AGTPBP1: variants seen among roughly 807,000 people sequenced by gnomAD.
AGTPBP1 encodes cytosolic carboxypeptidase 1.
A neutral mutation model predicts 143.9 loss-of-function variants in AGTPBP1; 70 were observed. The observed-to-expected ratio is 0.49, with a 90% confidence interval of 0.40 to 0.59. The LOEUF is 0.59. AGTPBP1 is among the 20% of genes least tolerant of loss of function. AGTPBP1 has a pLI of 0.00. For missense variants in AGTPBP1, 1,229 were observed against 1,464.5 expected, an observed-to-expected ratio of 0.84 and a Z score of 2.62; for synonymous variants, 463 against 500.2, an observed-to-expected ratio of 0.93 and a Z score of 0.99.
At chr9:85,756,028 A>G in the AGTPBP1 span, 1 of 1,331,934 alleles carries the variant, frequency 7.5e-7, no homozygotes, top group Admixed American at 2.9e-5. Flanking sequence ...TATAATTTTT[A>G]TGGCAGAAGG....
Position 85,632,650 on chromosome 9 carries a change from T to C in AGTPBP1, c.2015+12A>G, listed in dbSNP as rs761488543. 6.4e-6 allele frequency: 10 copies of C among 1,558,016 alleles called. No individual in the cohort carries two copies. The East Asian group carries it at 2.3e-4, about 35-fold the overall frequency. ...AGCCTTATTTAGAAGAGGGAAGAAA[T>C]ATGCAACTCACCTTTGTACACCATA... is the stretch of plus-strand genomic sequence containing the variant. On this transcript the variant is annotated intron_variant, in intron 14 of 25. Coordinates refer to ENST00000357081, the MANE Select transcript of AGTPBP1 (RefSeq NM_001330701.2).
rs767947664 is a variant in AGTPBP1, at chr9:85,585,568, G to C, written c.3060C>G (p.Ser1020=). ...PLVYCDYHGH[S]RKKNVFMYGC... ...CATACATAAATACATTCTTCTTTCG[G>C]GAATGGCCATGATAATCACAATAAA... The change falls in exon 23 of 26, where the codon TCC becomes TCG. Residue 1020 remains serine (S), a synonymous_variant. Transcript: ENST00000357081. The C allele has an allele frequency of 3.7e-6, 6 of 1,605,290 alleles. No individual in the cohort carries two copies. Among genetic ancestry groups the C allele is most frequent in the Non-Finnish European group, 5.1e-6 (6 of 1,176,084 alleles).
intron 4 of AGTPBP1, among the ~76,000 whole-genome samples, chr9:85,679,543 G>A (rs1835041242): frequency 1.3e-5 from 2 of 152,166 alleles, no homozygotes; most frequent in South Asian, 4.1e-4. Flanking sequence ...AAGCAGCTGG[G>A]ACTACAGGCG....
chr9:85,606,220 T>C (rs1829979937), intron 17 of AGTPBP1, among the ~76,000 whole-genome samples: 1 of 151,766 alleles, frequency 6.6e-6, no homozygotes, highest in South Asian at 2.1e-4. Flanking sequence ...ATAATCATAA[T>C]AATCTCATTA....
At chr9:85,683,213 A>C (rs1465495197) in intron 3 of AGTPBP1, among the ~76,000 whole-genome samples, 7 of 152,122 alleles carry the variant, frequency 4.6e-5, no homozygotes, top group Admixed American at 4.6e-4. Context: ...GAGTAAAATT[A>C]AATTTCTCCT....
intron 1 of AGTPBP1, among the ~76,000 whole-genome samples, chr9:85,718,943 T>C (rs1057271684): frequency 6.6e-6 from 1 of 152,178 alleles, no homozygotes; most frequent in Non-Finnish European, 1.5e-5. Flanking sequence ...CCCCATTGCT[T>C]GTTTTTGTCA....
the AGTPBP1 span, among the ~76,000 whole-genome samples, chr9:85,750,498 G>A: frequency 6.6e-6 from 1 of 152,172 alleles, no homozygotes; most frequent in Non-Finnish European, 1.5e-5. Context: ...TGTTCTCTCT[G>A]TTCAAACCTT....
At chr9:85,599,576 C>T (rs1412585431) in intron 17 of AGTPBP1, among the ~76,000 whole-genome samples, 1 of 152,148 alleles carries the variant, frequency 6.6e-6, no homozygotes, top group Non-Finnish European at 1.5e-5. Flanking sequence ...TTCACTTCTC[C>T]TATATTACCC....
chr9:85,561,276 C>T (rs1037708183), intron 25 of AGTPBP1, among the ~76,000 whole-genome samples: 4 of 151,450 alleles, frequency 2.6e-5, no homozygotes, highest in African/African-American at 4.9e-5. Context: ...GCAGGAGAAT[C>T]GCTTGAACCT....
intron 3 of AGTPBP1, among the ~76,000 whole-genome samples, chr9:85,689,434 T>C (rs72618145): frequency 0.084 from 12,853 of 152,208 alleles, 1,003 homozygotes; most frequent in East Asian, 0.46. Flanking sequence ...GTATTATTCA[T>C]AATAGCTGCA....
the AGTPBP1 span, among the ~76,000 whole-genome samples, chr9:85,772,086 C>G: frequency 2.0e-5 from 3 of 151,600 alleles, no homozygotes; most frequent in Non-Finnish European, 4.4e-5. Flanking sequence ...AGCAATTCTC[C>G]TGCCTCAGCC....
At chr9:85,776,359 T>A in the AGTPBP1 span, among the ~76,000 whole-genome samples, 1 of 152,246 alleles carries the variant, frequency 6.6e-6, no homozygotes, top group Non-Finnish European at 1.5e-5. Context: ...CACCTTCTTC[T>A]GCTACCCATT....
chr9:85,586,206 GA>G (rs202123016), intron 22 of AGTPBP1, among the ~76,000 whole-genome samples: 1,889 of 105,868 alleles, frequency 0.018, 41 homozygotes, highest in African/African-American at 0.057. Context: ...ACTCCATCTC[GA>G]AAAAAAAAAA....
At chr9:85,639,008 T>C (rs1466639018) in intron 13 of AGTPBP1, among the ~76,000 whole-genome samples, 1 of 152,078 alleles carries the variant, frequency 6.6e-6, no homozygotes, top group Non-Finnish European at 1.5e-5. Context: ...AATATAGAAT[T>C]CTTTTCAAAC....
At chr9:85,557,596 C>A (rs1417618221) in intron 25 of AGTPBP1, among the ~76,000 whole-genome samples, 1 of 152,090 alleles carries the variant, frequency 6.6e-6, no homozygotes, top group Non-Finnish European at 1.5e-5. Flanking sequence ...AAAGGAAAAT[C>A]TTTTTTCTTA....
chr9:85,601,145 A>T (rs1044565309), intron 17 of AGTPBP1, among the ~76,000 whole-genome samples: 7 of 151,822 alleles, frequency 4.6e-5, no homozygotes, highest in Non-Finnish European at 8.8e-5. Flanking sequence ...TTCCCCAGCC[A>T]CTCGCCTACA....
intron 1 of AGTPBP1, among the ~76,000 whole-genome samples, chr9:85,730,882 A>G (rs551004025): frequency 6.6e-6 from 1 of 152,348 alleles, no homozygotes; most frequent in South Asian, 2.1e-4. Flanking sequence ...TTTCCCTGTT[A>G]AATTACTATG....
chr9:85,685,717 T>C (rs930373911), intron 3 of AGTPBP1, among the ~76,000 whole-genome samples: 7 of 152,224 alleles, frequency 4.6e-5, no homozygotes, highest in East Asian at 1.9e-4. Context: ...TAAATATCTC[T>C]GCAAATGTAA....
chr9:85,662,432 G>C (rs1833902153), intron 8 of AGTPBP1, among the ~76,000 whole-genome samples: 1 of 152,152 alleles, frequency 6.6e-6, no homozygotes, highest in Non-Finnish European at 1.5e-5. Context: ...TGAATTATCA[G>C]TAAGAAACTT....
Sources: allele counts gnomAD v4.1 joint callset (sites outside exome capture counted in the v4.1 genomes callset), GRCh38; gene constraint gnomAD v4.1.1; transcripts MANE v1.5; gene names NCBI Gene and HGNC (gene_info 2026-07-23, HGNC 2026-07-21).